NTRK2: variants seen among roughly 807,000 people sequenced by gnomAD.
NTRK2 encodes the protein neurotrophic receptor tyrosine kinase 2, also known as BDNF/NT-3 growth factors receptor.
Under a neutral mutation model 94.5 loss-of-function variants are expected in NTRK2, and 13 were observed. The ratio of observed to expected loss-of-function variants is 0.14; its 90% CI spans 0.09 to 0.22. The LOEUF is 0.22. Among genes scored for constraint, NTRK2 ranks in the 10% least tolerant of loss-of-function variants. The pLI is 1.00. For missense variants in NTRK2, 639 were observed against 1,071.2 expected, an observed-to-expected ratio of 0.60 and a Z score of 5.63; for synonymous variants, 372 against 407.4, an observed-to-expected ratio of 0.91 and a Z score of 1.05.
At chr9:84,838,739 A>AT (rs1191429045) in intron 12 of NTRK2, among the ~76,000 whole-genome samples, 1 of 152,206 alleles carries the variant, frequency 6.6e-6, no homozygotes, top group Non-Finnish European at 1.5e-5. Flanking sequence ...ATAGTTCACT[A>AT]TTTTGTGAAG....
intron 12 of NTRK2, among the ~76,000 whole-genome samples, chr9:84,763,460 T>G (rs1023875325): frequency 6.8e-6 from 1 of 146,074 alleles, no homozygotes; most frequent in Non-Finnish European, 1.5e-5. Context: ...GGATCTTGGT[T>G]TTTTTTTTCC....
In NTRK2 at chr9:84,675,324, CTTTTTTTTTTTTT is replaced by C. The variant is rs536445167; in HGVS notation, c.212+4379_212+4391del. Reference sequence around the variant, plus strand: ...CTCTTCTCCTTTCTTTCTTTCTTTCCTTTTTTTTTTTTTTTTTTTTTTTTTTTGCCTTGAGTGT... The same window carrying C: ...CTCTTCTCCTTTCTTTCTTTCTTTCCTTTTTTTTTTTTTTGCCTTGAGTGT... On this transcript the variant is annotated intron_variant, in intron 2 of 18. Transcript: ENST00000277120. 2.8e-4 allele frequency among the ~76,000 whole-genome samples: 19 copies of C among 67,320 alleles called. No individual in the cohort carries two copies. In the South Asian group the frequency reaches 3.6e-3, roughly 13 times the overall value. The allele number at this position is 67,320 out of a possible 152,430, so 44.2% of individuals were successfully genotyped here.
At chr9:84,718,027 T>C (rs1213818436) in intron 6 of NTRK2, among the ~76,000 whole-genome samples, 2 of 147,628 alleles carry the variant, frequency 1.4e-5, no homozygotes, top group Non-Finnish European at 3.0e-5. Flanking sequence ...TTCTTCCTCT[T>C]CCCCTTCCTC....
chr9:84,830,283 T>C (rs1396910339), intron 12 of NTRK2, among the ~76,000 whole-genome samples: 1 of 152,172 alleles, frequency 6.6e-6, no homozygotes, highest in East Asian at 1.9e-4. Flanking sequence ...TTGTATACAG[T>C]TTCCTGTACA....
intron 2 of NTRK2, 122 bp downstream of exon 2, chr9:84,671,082 C>T: frequency 1.1e-6 from 1 of 876,282 alleles, no homozygotes; most frequent in South Asian, 1.4e-5. Context: ...ACAAGGGATG[C>T]AGGACAGGGT....
chr9:85,007,598 A>G (rs892246857), intron 17 of NTRK2, among the ~76,000 whole-genome samples: 3 of 152,204 alleles, frequency 2.0e-5, no homozygotes, highest in African/African-American at 7.2e-5. Context: ...TGGAGGTGGA[A>G]AGAAGTAGAC....
intron 17 of NTRK2, among the ~76,000 whole-genome samples, chr9:85,003,985 G>GA (rs1830602609): frequency 2.5e-5 from 1 of 40,512 alleles, no homozygotes; most frequent in African/African-American, 1.3e-4. Context: ...TAAGGAGAAA[G>GA]AAGAAGGAAA....
At chr9:84,899,606 G>T (rs991589152) in intron 14 of NTRK2, among the ~76,000 whole-genome samples, 1 of 152,194 alleles carries the variant, frequency 6.6e-6, no homozygotes, top group Non-Finnish European at 1.5e-5. Context: ...TATAGGTCAA[G>T]AATTGGAACC....
intron 15 of NTRK2, among the ~76,000 whole-genome samples, chr9:84,935,029 A>G (rs1207702139): frequency 6.6e-6 from 1 of 152,236 alleles, no homozygotes; most frequent in Non-Finnish European, 1.5e-5. Flanking sequence ...AAAAGGCTTC[A>G]GGTATTTTAC....
At chr9:84,972,874 GA>G (rs1826351627) in intron 17 of NTRK2, among the ~76,000 whole-genome samples, 1 of 152,152 alleles carries the variant, frequency 6.6e-6, no homozygotes, top group Non-Finnish European at 1.5e-5. Flanking sequence ...AAACCCATAT[GA>G]GCAGATCTAG....
At chr9:84,741,801 G>A (rs771516526) in intron 9 of NTRK2, 91 bp from the exon 10 acceptor site, 1 of 1,072,158 alleles carries the variant, frequency 9.3e-7, no homozygotes, top group East Asian at 2.4e-5. Flanking sequence ...AAACTTCAGT[G>A]TATGTCTAGC....
At chr9:84,984,846 T>C (rs1453367272) in intron 17 of NTRK2, among the ~76,000 whole-genome samples, 1 of 152,262 alleles carries the variant, frequency 6.6e-6, no homozygotes, top group Non-Finnish European at 1.5e-5. Flanking sequence ...CTCTATTTCA[T>C]ATTTTTGTTG....
chr9:84,680,521 A>G (rs1402491424), intron 2 of NTRK2, among the ~76,000 whole-genome samples: 2 of 152,058 alleles, frequency 1.3e-5, no homozygotes, highest in Non-Finnish European at 2.9e-5. Flanking sequence ...TAATCACTCA[A>G]CCTCGAGCTT....
chr9:84,689,421 G>A (rs555413980), intron 2 of NTRK2, among the ~76,000 whole-genome samples: 5 of 152,298 alleles, frequency 3.3e-5, no homozygotes, highest in African/African-American at 1.2e-4. Flanking sequence ...TTTGTTCTGT[G>A]ACTTTGGTTT....
intron 18 of NTRK2, 32 bp from the exon 19 acceptor site, chr9:85,021,220 C>T (rs1832756957): frequency 3.1e-6 from 5 of 1,602,982 alleles, no homozygotes; most frequent in South Asian, 2.2e-5. Context: ...TGCTTTTCCT[C>T]CTGTCTCATC....
chr9:84,944,213 T>TCA (rs1238064532), intron 15 of NTRK2, among the ~76,000 whole-genome samples: 1,902 of 136,746 alleles, frequency 0.014, 34 homozygotes, highest in African/African-American at 0.044. Context: ...TCTCTCTCTC[T>TCA]CTCACACACA....
intron 12 of NTRK2, among the ~76,000 whole-genome samples, chr9:84,760,471 T>A (rs893316295): frequency 2.0e-5 from 3 of 152,202 alleles, no homozygotes; most frequent in African/African-American, 7.2e-5. Flanking sequence ...GTTTATTAGT[T>A]GAGTCTATAG....
chr9:84,969,187 C>A (rs897395452), intron 17 of NTRK2, among the ~76,000 whole-genome samples: 1 of 151,884 alleles, frequency 6.6e-6, no homozygotes, highest in East Asian at 1.9e-4. Flanking sequence ...CGTGCTATCC[C>A]TAAAGGCAAC....
chr9:84,847,589 A>G (rs2074533276), intron 12 of NTRK2, among the ~76,000 whole-genome samples: 1 of 152,232 alleles, frequency 6.6e-6, no homozygotes, highest in African/African-American at 2.4e-5. Flanking sequence ...CCCATCCAGC[A>G]GAAAAGAAAA....
Sources: gnomAD v4.1 joint callset for allele counts (sites outside exome capture counted in the v4.1 genomes callset) on GRCh38, gnomAD v4.1.1 for gene constraint, MANE v1.5 for transcripts, NCBI Gene and HGNC (gene_info 2026-07-23, HGNC 2026-07-21) for gene names.